Variants in ARHGEF3 observed in about 807,000 individuals in gnomAD.
ARHGEF3 encodes 59.8 kDA protein.
In ARHGEF3, 28 loss-of-function variants were observed where a neutral mutation model predicts 63.2. The observed-to-expected ratio is 0.44, with a 90% confidence interval of 0.33 to 0.61. ARHGEF3 has a LOEUF of 0.61. Ranked by LOEUF, ARHGEF3 falls within the 20% of genes least tolerant of loss-of-function variation. The pLI is 0.03. For missense variants in ARHGEF3, 533 were observed against 659.3 expected (o/e 0.81, Z 2.10); for synonymous variants, 266 against 254.2 (o/e 1.05, Z -0.44).
chr3:57,014,799 G>A (rs1480608312), intron 2 of ARHGEF3, among the ~76,000 whole-genome samples: 1 of 151,810 alleles, frequency 6.6e-6, no homozygotes, highest in Non-Finnish European at 1.5e-5. Flanking sequence ...TCCTGCCTCA[G>A]CCTCCTGAGT....
intron 3 of ARHGEF3, among the ~76,000 whole-genome samples, chr3:56,952,398 G>C (rs1015398536): frequency 2.0e-5 from 3 of 152,136 alleles, no homozygotes; most frequent in Non-Finnish European, 4.4e-5. Flanking sequence ...TGAAACTCTA[G>C]CCCTGACTGA....
Position 56,934,912 on chromosome 3 carries a change from G to A in ARHGEF3, c.129+23911C>T, listed in dbSNP as rs113420406. On this transcript the variant is annotated intron_variant, in intron 3 of 12. Coordinates refer to the ARHGEF3 transcript ENST00000338458. Reference sequence around the variant, plus strand: ...AGCCCCGCTGCGGGATCCACTAGGTGAAGCCAGCTGGGCTCCTGAGTCTGG... The same window carrying A: ...AGCCCCGCTGCGGGATCCACTAGGTAAAGCCAGCTGGGCTCCTGAGTCTGG... 3.1e-3 allele frequency among the ~76,000 whole-genome samples: 477 copies of A among 152,404 alleles called. 4 individuals are homozygous for A. Among genetic ancestry groups the A allele is most frequent in the African/African-American group, 0.011 (449 of 41,604 alleles).
upstream of ARHGEF3, among the ~76,000 whole-genome samples, chr3:56,802,338 G>A (rs2037701979): frequency 6.6e-6 from 1 of 152,164 alleles, no homozygotes; most frequent in Non-Finnish European, 1.5e-5. Flanking sequence ...GGGGAAAAGC[G>A]AGCGTTTTAA....
At chr3:57,045,392 T>G (rs1484194758) in intron 1 of ARHGEF3, among the ~76,000 whole-genome samples, 2 of 152,226 alleles carry the variant, frequency 1.3e-5, no homozygotes, top group Non-Finnish European at 2.9e-5. Context: ...TATGGATTCA[T>G]GGAGGACCCA....
At chr3:56,780,739 C>T (rs114528534) in intron 1 of ARHGEF3, among the ~76,000 whole-genome samples, 173 of 152,256 alleles carry the variant, frequency 1.1e-3, no homozygotes, top group African/African-American at 4.0e-3. Context: ...ATTAATCTTA[C>T]GTTCTCTCAC....
At chr3:56,946,920 G>A (rs956456719) in intron 3 of ARHGEF3, among the ~76,000 whole-genome samples, 2 of 152,234 alleles carry the variant, frequency 1.3e-5, no homozygotes, top group African/African-American at 4.8e-5. Context: ...CAGACTAACA[G>A]CTGATCTCTC....
At chr3:57,042,648 A>G (rs1704234678) in intron 1 of ARHGEF3, among the ~76,000 whole-genome samples, 1 of 72,794 alleles carries the variant, frequency 1.4e-5, no homozygotes, top group African/African-American at 4.8e-5. Context: ...CTGTATGTAC[A>G]TAAATATATA....
At chr3:56,843,805 GC>G (rs1242995601) in intron 4 of ARHGEF3, among the ~76,000 whole-genome samples, 1 of 152,016 alleles carries the variant, frequency 6.6e-6, no homozygotes, top group Non-Finnish European at 1.5e-5. Context: ...TTTACTTTCT[GC>G]CCCTTCTGAT....
At chr3:56,801,577 G>T in intron 1 of ARHGEF3, 126 bp downstream of exon 1, 2 of 1,248,670 alleles carry the variant, frequency 1.6e-6, no homozygotes, top group Non-Finnish European at 2.2e-6. Flanking sequence ...AGAGAAAGTG[G>T]CACACACGGA....
intron 3 of ARHGEF3, among the ~76,000 whole-genome samples, chr3:56,947,011 C>T (rs185473270): frequency 1.2e-3 from 185 of 152,314 alleles, no homozygotes; most frequent in Middle Eastern, 3.4e-3. Flanking sequence ...CCCAGAATTT[C>T]ATATCCAGCC....
At chr3:56,751,008 C>G in intron 6 of ARHGEF3, 48 bp downstream of exon 6, 1 of 1,389,172 alleles carries the variant, frequency 7.2e-7, no homozygotes, top group Non-Finnish European at 9.8e-7. Context: ...AAACTCCCAT[C>G]TATATTATTG....
At chr3:57,007,458 GA>G (rs1702511970) in intron 2 of ARHGEF3, 3 of 1,000,572 alleles carry the variant, frequency 3.0e-6, no homozygotes, top group Non-Finnish European at 4.0e-6. Flanking sequence ...TCTTCCAGGT[GA>G]AAACAGGCAG....
At chr3:56,865,452 G>T (rs529798968) in intron 4 of ARHGEF3, among the ~76,000 whole-genome samples, 3 of 152,190 alleles carry the variant, frequency 2.0e-5, no homozygotes, top group Non-Finnish European at 4.4e-5. Flanking sequence ...AATATCAAAT[G>T]TAAAGGAAGA....
intron 3 of ARHGEF3, among the ~76,000 whole-genome samples, chr3:56,885,366 ATAG>A (rs1422506557): frequency 1.3e-5 from 2 of 152,204 alleles, no homozygotes; most frequent in Non-Finnish European, 2.9e-5. Flanking sequence ...GACCTGGCAC[ATAG>A]TAGGTGCACA....
At chr3:56,742,029 C>T (rs2034070350) in intron 7 of ARHGEF3, among the ~76,000 whole-genome samples, 1 of 152,208 alleles carries the variant, frequency 6.6e-6, no homozygotes, top group African/African-American at 2.4e-5. Context: ...GTGCTGGACT[C>T]ATCATCCTCA....
chr3:56,800,239 T>C (rs993426672), intron 1 of ARHGEF3, among the ~76,000 whole-genome samples: 9 of 152,214 alleles, frequency 5.9e-5, no homozygotes, highest in Non-Finnish European at 1.3e-4. Flanking sequence ...ATTAATTTAT[T>C]GGTTATGCCT....
chr3:57,001,968 G>A (rs1702213459), intron 2 of ARHGEF3, among the ~76,000 whole-genome samples: 1 of 133,684 alleles, frequency 7.5e-6, no homozygotes. Flanking sequence ...CTGTTGCCCA[G>A]GCTGGAGTGC....
intron 1 of ARHGEF3, among the ~76,000 whole-genome samples, chr3:56,788,245 A>G (rs146496264): frequency 6.6e-6 from 1 of 152,206 alleles, no homozygotes; most frequent in Non-Finnish European, 1.5e-5. Flanking sequence ...CTATTGGATG[A>G]CCACTTCTCA....
At chr3:56,957,208 A>G (rs1466407551) in intron 3 of ARHGEF3, among the ~76,000 whole-genome samples, 4 of 152,186 alleles carry the variant, frequency 2.6e-5, no homozygotes, top group African/African-American at 9.7e-5. Context: ...AAGTCAACAC[A>G]TTTCTCTTTG....
Sources: gnomAD v4.1 joint callset for allele counts (sites outside exome capture counted in the v4.1 genomes callset) on GRCh38, gnomAD v4.1.1 for gene constraint, MANE v1.5 for transcripts, NCBI Gene and HGNC (gene_info 2026-07-23, HGNC 2026-07-21) for gene names.